MCC: variants seen among roughly 807,000 people sequenced by gnomAD.
MCC encodes the protein MCC regulator of Wnt signaling pathway.
Under a neutral mutation model 116.2 loss-of-function variants are expected in MCC, and 90 were observed. The observed-to-expected ratio is 0.77, with a 90% CI of 0.65 to 0.92. The LOEUF is 0.92. MCC is among the 40% of genes least tolerant of loss of function. MCC has a pLI of 0.00. For synonymous variants in MCC, 578 were observed against 510.5 expected, an observed-to-expected ratio of 1.13 and a Z score of -1.78; for missense variants, 1,516 against 1,312.2, an observed-to-expected ratio of 1.16 and a Z score of -2.40.
At chr5:113,473,164 T>C (rs1412252392) in intron 1 of MCC, among the ~76,000 whole-genome samples, 1 of 152,198 alleles carries the variant, frequency 6.6e-6, no homozygotes, top group Admixed American at 6.5e-5. Flanking sequence ...GGATAGCTTA[T>C]GAAAAGTAGA....
intron 5 of MCC, among the ~76,000 whole-genome samples, chr5:113,127,287 T>C (rs1758113331): frequency 6.6e-6 from 1 of 152,248 alleles, no homozygotes; most frequent in Non-Finnish European, 1.5e-5. Context: ...GTCTTTGCTA[T>C]TGTGAACAGT....
chr5:113,125,900 C>A (rs368537424), intron 5 of MCC, among the ~76,000 whole-genome samples: 70 of 152,222 alleles, frequency 4.6e-4, no homozygotes, highest in African/African-American at 1.6e-3. Context: ...CAAAAAAACA[C>A]CAACTGCTAT....
intron 17 of MCC, among the ~76,000 whole-genome samples, chr5:113,040,577 C>T (rs1751636411): frequency 1.3e-5 from 2 of 152,098 alleles, no homozygotes; most frequent in Admixed American, 6.5e-5. Flanking sequence ...TGTTCGTTTC[C>T]ATTTGATTTT....
chr5:113,154,413 A>G (rs956093216), intron 3 of MCC, among the ~76,000 whole-genome samples: 3 of 152,250 alleles, frequency 2.0e-5, no homozygotes, highest in East Asian at 3.8e-4. Flanking sequence ...GCCATAAGCC[A>G]CACTGCCTAG....
At chr5:113,072,810 C>A (rs755433131) in intron 11 of MCC, among the ~76,000 whole-genome samples, 1 of 152,194 alleles carries the variant, frequency 6.6e-6, no homozygotes, top group Non-Finnish European at 1.5e-5. Flanking sequence ...TTTCTCTAGC[C>A]CAGCGCTTTC....
intron 1 of MCC, among the ~76,000 whole-genome samples, chr5:113,387,377 A>G (rs1769286380): frequency 6.6e-6 from 1 of 152,244 alleles, no homozygotes; most frequent in Admixed American, 6.5e-5. Flanking sequence ...ATTTTCATAT[A>G]AGACCTACCT....
intron 7 of MCC, among the ~76,000 whole-genome samples, chr5:113,102,777 G>C (rs1477830757): frequency 1.3e-5 from 2 of 151,430 alleles, no homozygotes; most frequent in Admixed American, 6.5e-5. Context: ...AAACAAGAGG[G>C]AGAATTACTA....
intron 1 of MCC, among the ~76,000 whole-genome samples, chr5:113,466,368 G>A (rs1282253304): frequency 7.9e-6 from 1 of 126,214 alleles, no homozygotes; most frequent in Non-Finnish European, 1.6e-5. Context: ...GATGTGTGAT[G>A]TTCCCCTTCC....
intron 8 of MCC, among the ~76,000 whole-genome samples, chr5:113,099,919 C>T (rs2150253594): frequency 6.6e-6 from 1 of 152,340 alleles, no homozygotes; most frequent in African/African-American, 2.4e-5. Context: ...ACACTAAGAG[C>T]AAGTACATAC....
chr5:113,070,717 T>C (rs1460333483), intron 12 of MCC, among the ~76,000 whole-genome samples: 1 of 152,190 alleles, frequency 6.6e-6, no homozygotes, highest in African/African-American at 2.4e-5. Flanking sequence ...GAATAGAGAC[T>C]ATTAAAAGCA....
intron 3 of MCC, among the ~76,000 whole-genome samples, chr5:113,206,185 C>A (rs116202546): frequency 0.019 from 2,855 of 152,290 alleles, 98 homozygotes; most frequent in African/African-American, 0.063. Context: ...AAGGTGGAGG[C>A]ACTTTCCCAA....
chr5:113,222,215 A>C (rs1442438797), intron 3 of MCC, among the ~76,000 whole-genome samples: 1 of 152,068 alleles, frequency 6.6e-6, no homozygotes, highest in East Asian at 1.9e-4. Context: ...TAATATGGTG[A>C]TTTACACTGA....
chr5:113,434,076 G>C lies in MCC; in HGVS notation c.171-48864C>G, dbSNP rs1476459935. On this transcript the variant is annotated intron_variant, in intron 1 of 18. Transcript: ENST00000408903. This position sits in a 1 kb window ranked among gnomAD's most constrained non-coding sequence, Gnocchi z 4.2. ...GATGTGGAGCCGCCGGTTGACGTCG[G>C]GCTGCAGCATGTGGTAGATGAGGTC... 2.8e-5 allele frequency: 45 copies of C among 1,614,048 alleles called. No homozygotes were observed. Among genetic ancestry groups the C allele is most frequent in the Non-Finnish European group, 3.7e-5 (44 of 1,180,002 alleles).
intron 5 of MCC, among the ~76,000 whole-genome samples, chr5:113,128,599 T>C (rs551047740): frequency 1.9e-4 from 29 of 152,284 alleles, no homozygotes; most frequent in Admixed American, 1.2e-3. Flanking sequence ...TGGTGAATAA[T>C]TGAACAAATG....
At position 113,488,448 on chromosome 5, in the gene MCC, G is replaced by C; in HGVS notation, c.-34C>G. The C allele has an allele frequency of 2.2e-6, 3 of 1,390,166 alleles. No individual in the cohort carries two copies. Among genetic ancestry groups the C allele is most frequent in the Non-Finnish European group, 2.8e-6 (3 of 1,085,998 alleles). 86.1% of individuals were successfully genotyped at this position (1,390,166 alleles called of 1,614,324 possible). A position where few individuals can be genotyped will look rare whatever the true frequency, so the allele number is the denominator to read the frequency against. ...TCCCTACTTGGGAGGAGGAGTACGC[G>C]CGACCGCAGCTGGAATCCGCGCGGC... On this transcript the variant is annotated 5_prime_UTR_variant, in exon 1 of 19. Transcript: ENST00000408903.
Position 113,488,410 on chromosome 5 carries a change from A to G in MCC, c.5T>C (p.Met2Thr), listed in dbSNP as rs774003080. The change falls in exon 1 of 19, where the codon ATG becomes ACG. Residue 2 changes from methionine to threonine, a missense_variant. Met to Thr is a moderately conservative substitution (Grantham distance 81, BLOSUM62 -1). Coordinates refer to ENST00000408903, the MANE Select transcript of MCC (RefSeq NM_001085377.2). Reference sequence around the variant, plus strand: ...CGCAGCCGCTGCCGCCGCGGCCGCCATCATGCGCCCGCTCCCTACTTGGGA... The same window carrying G: ...CGCAGCCGCTGCCGCCGCGGCCGCCGTCATGCGCCCGCTCCCTACTTGGGA... M[M>T]AAAAAAAAGS... 2.1e-6 allele frequency: 3 copies of G among 1,398,212 alleles called. No individual in the cohort carries two copies. The highest frequency in any genetic ancestry group is 1.5e-5 in the African/African-American group (1 of 65,970). 86.6% of individuals were successfully genotyped at this position (1,398,212 alleles called of 1,614,324 possible).
intron 3 of MCC, chr5:113,323,316 G>C (rs921880300): frequency 6.6e-6 from 1 of 152,250 alleles, no homozygotes; most frequent in African/African-American, 2.4e-5. Flanking sequence ...CTAAGGTTTG[G>C]GGTAATTTGC....
intron 3 of MCC, among the ~76,000 whole-genome samples, chr5:113,173,883 T>A (rs1761195121): frequency 6.6e-6 from 1 of 152,102 alleles, no homozygotes; most frequent in African/African-American, 2.4e-5. Context: ...TCAGCAAAGG[T>A]CTAAGTGCAG....
At chr5:113,254,090 T>G (rs926776731) in intron 3 of MCC, among the ~76,000 whole-genome samples, 1 of 152,142 alleles carries the variant, frequency 6.6e-6, no homozygotes. Context: ...ATCTTGATAA[T>G]GAGAAAACAG....
Sources: gnomAD v4.1 joint callset for allele counts (sites outside exome capture counted in the v4.1 genomes callset) on GRCh38, gnomAD v4.1.1 for gene constraint, Gnocchi (gnomAD v3.1) non-coding constraint, MANE v1.5 for transcripts, NCBI Gene and HGNC (gene_info 2026-07-23, HGNC 2026-07-21) for gene names.